Variants in SEC22C observed in about 807,000 individuals in gnomAD.
SEC22C encodes SEC22 homolog C, vesicle trafficking protein.
A neutral mutation model predicts 34.7 loss-of-function variants in SEC22C; 29 were observed. That is an observed-to-expected ratio of 0.84 (90% CI 0.62 to 1.14). SEC22C has a LOEUF of 1.14. Among genes scored for constraint, SEC22C ranks in the 50% most tolerant of loss-of-function variants. The pLI is 0.00. For missense variants in SEC22C, 337 were observed against 369.0 expected (o/e 0.91, Z 0.71); for synonymous variants, 117 against 132.8 (o/e 0.88, Z 0.82).
rs745975940 is a variant in SEC22C, at chr3:42,555,938, T to C, written c.703A>G (p.Ile235Val). The C allele has an allele frequency of 5.6e-6, 9 of 1,613,486 alleles. No homozygotes were observed. Among genetic ancestry groups the C allele is most frequent in the East Asian group, 2.2e-5 (1 of 44,870 alleles). ...LAFLVPFVAC[I>V]FQCYLYLFYS... Reference sequence around the variant, plus strand: ...AATATCGTTTCACCCACCTGGAAAATGCAGGCTACGAAAGGAACAAGAAAA... The same window carrying C: ...AATATCGTTTCACCCACCTGGAAAACGCAGGCTACGAAAGGAACAAGAAAA... The change falls in exon 6 of 7, where the codon ATT (isoleucine) becomes GTT (valine). Residue 235 changes from isoleucine to valine, a missense_variant. Coordinates refer to ENST00000264454, the MANE Select transcript of SEC22C (RefSeq NM_032970.4).
upstream of SEC22C, among the ~76,000 whole-genome samples, chr3:42,583,633 G>A (rs1289787478): frequency 1.3e-5 from 2 of 152,164 alleles, no homozygotes; most frequent in Non-Finnish European, 2.9e-5. Context: ...TTCTGGGTAT[G>A]TCTATGAGGG....
At chr3:42,590,487 C>A (rs1704781659) in intron 1 of SEC22C, among the ~76,000 whole-genome samples, 1 of 151,914 alleles carries the variant, frequency 6.6e-6, no homozygotes, top group Non-Finnish European at 1.5e-5. Flanking sequence ...ATTAGACGGG[C>A]GTGGTGGCGG....
intron 1 of SEC22C, chr3:42,587,562 A>G (rs1704655687): frequency 1.3e-5 from 2 of 151,388 alleles, no homozygotes; most frequent in South Asian, 4.2e-4. Flanking sequence ...CCCCGTCTCT[A>G]CTGAAAAAAA....
upstream of SEC22C, chr3:42,582,131 C>T (rs9869844): frequency 6.6e-6 from 1 of 152,260 alleles, no homozygotes; most frequent in Non-Finnish European, 1.5e-5. Flanking sequence ...GCGACCCAAA[C>T]GGAGAGGGAG....
chr3:42,553,945 C>T (rs556756610), intron 6 of SEC22C, among the ~76,000 whole-genome samples: 1 of 152,206 alleles, frequency 6.6e-6, no homozygotes, highest in Admixed American at 6.5e-5. Context: ...TGGGCACCCT[C>T]CTTATCATGT....
intron 1 of SEC22C, among the ~76,000 whole-genome samples, chr3:42,572,320 C>A (rs1403504332): frequency 5.9e-5 from 9 of 152,036 alleles, no homozygotes; most frequent in Non-Finnish European, 1.2e-4. Flanking sequence ...AAAAACTGCT[C>A]TACTCCAGCC....
At chr3:42,587,799 CTG>C (rs1266914190) in intron 1 of SEC22C, among the ~76,000 whole-genome samples, 20 of 151,954 alleles carry the variant, frequency 1.3e-4, no homozygotes, top group South Asian at 4.2e-4. Context: ...AGGCCAGGCT[CTG>C]TGGCTCACAC....
At chr3:42,571,538 A>G (rs1703628647) in intron 1 of SEC22C, among the ~76,000 whole-genome samples, 1 of 152,244 alleles carries the variant, frequency 6.6e-6, no homozygotes, top group South Asian at 2.1e-4. Context: ...GGAAGAGTAT[A>G]AGAATGAAGA....
chr3:42,598,302 A>C (rs1269543662), intron 1 of SEC22C, among the ~76,000 whole-genome samples: 3 of 152,146 alleles, frequency 2.0e-5, no homozygotes, highest in African/African-American at 7.2e-5. Context: ...TGCTGAGTGA[A>C]ATCACCCAGC....
At chr3:42,555,095 C>T (rs1317859078) in intron 6 of SEC22C, among the ~76,000 whole-genome samples, 5 of 151,978 alleles carry the variant, frequency 3.3e-5, no homozygotes, top group African/African-American at 1.2e-4. Flanking sequence ...CCTGTAATCC[C>T]AGCACTTTGG....
intron 6 of SEC22C, among the ~76,000 whole-genome samples, chr3:42,554,973 TA>T (rs1702438196): frequency 7.0e-6 from 1 of 142,782 alleles, no homozygotes; most frequent in South Asian, 2.3e-4. Flanking sequence ...TATTACTATT[TA>T]AAACAACAAC....
In SEC22C at chr3:42,571,941, G is replaced by A. The variant is rs531021962; in HGVS notation, c.-27-2868C>T. On this transcript the variant is annotated intron_variant, in intron 1 of 6. Coordinates refer to ENST00000264454, the MANE Select transcript of SEC22C (RefSeq NM_032970.4). ...CCAGCTACTCAGGAGGCTGAGGCAC[G>A]AGAATCGCTTGAATCCGGGAGGGAG... Among the ~76,000 whole-genome samples the A allele has an allele frequency of 4.8e-4, 73 of 152,322 alleles. No individual in the cohort carries two copies. In the East Asian group the frequency reaches 0.012, roughly 26 times the overall value.
chr3:42,588,195 AGTTCAAG>A (rs1180378642), intron 1 of SEC22C, among the ~76,000 whole-genome samples: 1 of 152,100 alleles, frequency 6.6e-6, no homozygotes, highest in Non-Finnish European at 1.5e-5. Context: ...TGAGGTCAGG[AGTTCAAG>A]ACCAGCCTGG....
intron 1 of SEC22C, among the ~76,000 whole-genome samples, chr3:42,593,035 A>T (rs1384854626): frequency 6.6e-6 from 1 of 151,968 alleles, no homozygotes; most frequent in African/African-American, 2.4e-5. Context: ...ACACAACAAT[A>T]AAAAAAATAC....
At chr3:42,571,543 T>C (rs1703629066) in intron 1 of SEC22C, among the ~76,000 whole-genome samples, 1 of 152,220 alleles carries the variant, frequency 6.6e-6, no homozygotes, top group Non-Finnish European at 1.5e-5. Context: ...AGTATAAGAA[T>C]GAAGACAACA....
Position 42,557,713 on chromosome 3 carries a change from A to T in SEC22C, c.527-17T>A. ...AATTAGGAGCTTCACAATGGAAAAAAAACAAGTGTCTAGTGTAAGTAATTT... is the reference window on the plus strand; with the variant it reads ...AATTAGGAGCTTCACAATGGAAAAATAACAAGTGTCTAGTGTAAGTAATTT... On this transcript the variant is annotated splice_polypyrimidine_tract_variant and intron_variant, in intron 4 of 6. Coordinates refer to ENST00000264454, the MANE Select transcript of SEC22C (RefSeq NM_032970.4). 1 of 1,317,852 alleles carries T rather than the reference A, an allele frequency of 7.6e-7. No homozygotes were observed. The highest frequency in any genetic ancestry group is 1.1e-6 in the Non-Finnish European group (1 of 918,036). The allele number at this position is 1,317,852 out of a possible 1,614,324, so 81.6% of individuals were successfully genotyped here.
At chr3:42,556,786 C>G (rs2125697938) in intron 5 of SEC22C, among the ~76,000 whole-genome samples, 1 of 152,222 alleles carries the variant, frequency 6.6e-6, no homozygotes, top group South Asian at 2.1e-4. Flanking sequence ...TGCAGTGGCG[C>G]AATTTTGGCT....
At chr3:42,590,805 G>C in intron 1 of SEC22C, 1 of 1,296,288 alleles carries the variant, frequency 7.7e-7, no homozygotes, top group Non-Finnish European at 1.1e-6. Flanking sequence ...ACCCCGCCCT[G>C]TAGGCGGGAG....
intron 1 of SEC22C, among the ~76,000 whole-genome samples, chr3:42,571,471 T>C (rs1401387140): frequency 1.3e-5 from 2 of 152,216 alleles, no homozygotes; most frequent in Admixed American, 6.5e-5. Context: ...TGTGAGTGTA[T>C]GTGAATGTAC....
Sources: gnomAD v4.1 joint callset for allele counts (sites outside exome capture counted in the v4.1 genomes callset) on GRCh38, gnomAD v4.1.1 for gene constraint, MANE v1.5 for transcripts, NCBI Gene and HGNC (gene_info 2026-07-23, HGNC 2026-07-21) for gene names.